Variants in LUC7L2 observed in about 807,000 individuals in gnomAD.
LUC7L2 encodes the protein putative RNA-binding protein Luc7-like 2.
LUC7L2 carries 25 observed loss-of-function variants against 52.8 expected under a neutral mutation model. That is an observed-to-expected ratio of 0.47 (90% CI 0.34 to 0.66). LUC7L2 has a LOEUF of 0.66. Ranked by LOEUF, LUC7L2 falls within the 30% of genes least tolerant of loss-of-function variation. The pLI, the probability that LUC7L2 is intolerant of heterozygous loss-of-function variation, is 0.01. For synonymous variants in LUC7L2, 144 were observed against 160.9 expected (o/e 0.89, Z 0.80); for missense variants, 328 against 497.8 (o/e 0.66, Z 3.25).
intron 7 of LUC7L2, among the ~76,000 whole-genome samples, chr7:139,412,071 G>A (rs1462128352): frequency 6.6e-6 from 1 of 152,044 alleles, no homozygotes; most frequent in Admixed American, 6.6e-5. Context: ...ATTTAGGGAT[G>A]CTGAACCAGT....
At chr7:139,391,288 T>A (rs1794438469) in intron 2 of LUC7L2, among the ~76,000 whole-genome samples, 2 of 152,222 alleles carry the variant, frequency 1.3e-5, no homozygotes, top group African/African-American at 4.8e-5. Context: ...TCCATAATAG[T>A]AGAAATTATA....
chr7:139,366,374 T>TA (rs1279484603), intron 1 of LUC7L2, among the ~76,000 whole-genome samples: 2 of 152,094 alleles, frequency 1.3e-5, no homozygotes, highest in Non-Finnish European at 2.9e-5. Flanking sequence ...TTTTCTCTTT[T>TA]AGAGTTAACT....
intron 1 of LUC7L2, among the ~76,000 whole-genome samples, chr7:139,368,570 T>C (rs1800282177): frequency 6.6e-6 from 1 of 152,028 alleles, no homozygotes; most frequent in African/African-American, 2.4e-5. Context: ...GAAACCTGTC[T>C]CTACTAAAAA....
chr7:139,422,711 T>C lies in LUC7L2; in HGVS notation c.*371T>C, dbSNP rs1795954954. On this transcript the variant is annotated 3_prime_UTR_variant, in exon 10 of 10. Transcript: ENST00000354926. ...GCTGCAGCTTTGGGCATTTTTCTTT[T>C]TAATTATTCTTCCTCTGACTTTGTA... The C allele has an allele frequency of 2.5e-6, 1 of 405,752 alleles. No homozygotes were observed. Among genetic ancestry groups the C allele is most frequent in the African/African-American group, 2.1e-5 (1 of 48,672 alleles). 25.1% of individuals were successfully genotyped at this position (405,752 alleles called of 1,614,324 possible).
upstream of LUC7L2, among the ~76,000 whole-genome samples, chr7:139,357,845 C>T (rs981062762): frequency 6.6e-5 from 10 of 151,804 alleles, no homozygotes; most frequent in African/African-American, 2.4e-4. Flanking sequence ...GCATGCGCCA[C>T]CACGCCCAGC....
At chr7:139,409,928 C>T (rs754147937) in intron 7 of LUC7L2, among the ~76,000 whole-genome samples, 1 of 152,160 alleles carries the variant, frequency 6.6e-6, no homozygotes, top group African/African-American at 2.4e-5. Flanking sequence ...CAAAATCCAG[C>T]CGGGCATGGT....
At chr7:139,417,363 T>A in intron 8 of LUC7L2, 175 bp from the exon 9 acceptor site, 1 of 818,634 alleles carries the variant, frequency 1.2e-6, no homozygotes, top group Non-Finnish European at 1.8e-6. Context: ...TGTTTTATTT[T>A]GAATTCTAGT....
intron 1 of LUC7L2, among the ~76,000 whole-genome samples, chr7:139,369,799 T>G (rs1010465026): frequency 7.2e-5 from 11 of 152,172 alleles, no homozygotes; most frequent in Non-Finnish European, 1.3e-4. Flanking sequence ...TGGCTTGTCA[T>G]GGGGATTATG....
chr7:139,376,549 C>T (rs557514820), intron 2 of LUC7L2, among the ~76,000 whole-genome samples: 2 of 152,254 alleles, frequency 1.3e-5, no homozygotes, highest in South Asian at 2.1e-4. Context: ...TTTGTGGAAT[C>T]AGTGGGGAAA....
In LUC7L2 at chr7:139,405,630, T is replaced by A. The variant is rs1795086138; in HGVS notation, c.367-14T>A. 6.3e-7 allele frequency: 1 copy of A among 1,575,038 alleles called. No homozygotes were observed. Among genetic ancestry groups the A allele is most frequent in the African/African-American group, 1.4e-5 (1 of 72,390 alleles). ...TCTTGTTTATTCATGATCTTCTTTT[T>A]TATTTCTTTTTAGGCAGAACGTGTT... On this transcript the variant is annotated splice_polypyrimidine_tract_variant and intron_variant, in intron 4 of 9. Coordinates refer to ENST00000354926, the MANE Select transcript of LUC7L2 (RefSeq NM_016019.5).
chr7:139,410,196 A>G (rs1232386670), intron 7 of LUC7L2, among the ~76,000 whole-genome samples: 1 of 151,034 alleles, frequency 6.6e-6, no homozygotes, highest in African/African-American at 2.4e-5. Context: ...CGACAGCGAG[A>G]CTCTGTCTCA....
chr7:139,405,916 T>G (rs1795093120), intron 5 of LUC7L2, 129 bp downstream of exon 5: 1 of 1,320,304 alleles, frequency 7.6e-7, no homozygotes, highest in Non-Finnish European at 9.9e-7. Context: ...ATTGAACAGT[T>G]GTTAAAGAGA....
Position 139,343,883 on chromosome 7 carries a change from G to A in LUC7L2, c.-26+3366G>A, listed in dbSNP as rs533675483. Among the ~76,000 whole-genome samples, 6 of 142,084 alleles carry A rather than the reference G, an allele frequency of 4.2e-5. 1 individual carries two copies. In the South Asian group the frequency reaches 1.1e-3, roughly 26 times the overall value. The allele number at this position is 142,084 out of a possible 152,430, so 93.2% of individuals were successfully genotyped here. ...TGGGGAGATCAGCAGCCATGTTCAC[G>A]CTATTGCACTCCAGCCTGGGCAACA... On this transcript the variant is annotated intron_variant, in intron 1 of 10. Coordinates refer to the LUC7L2 transcript ENST00000541170.
At chr7:139,383,409 T>G (rs999652187) in intron 2 of LUC7L2, among the ~76,000 whole-genome samples, 3 of 146,174 alleles carry the variant, frequency 2.1e-5, no homozygotes, top group African/African-American at 5.1e-5. Context: ...TTATTGGATT[T>G]ATTTATTTAT....
chr7:139,367,254 G>C (rs1238170915), intron 1 of LUC7L2, among the ~76,000 whole-genome samples: 2 of 152,110 alleles, frequency 1.3e-5, no homozygotes, highest in African/African-American at 2.4e-5. Context: ...TTACAGGCGT[G>C]AACCACCATG....
chr7:139,393,139 C>A (rs1404554162), intron 2 of LUC7L2, among the ~76,000 whole-genome samples: 1 of 151,978 alleles, frequency 6.6e-6, no homozygotes, highest in Non-Finnish European at 1.5e-5. Flanking sequence ...TGGTGGTGCA[C>A]ACTTGTAATC....
At chr7:139,413,985 G>A (rs566422947) in intron 8 of LUC7L2, among the ~76,000 whole-genome samples, 2 of 152,242 alleles carry the variant, frequency 1.3e-5, no homozygotes, top group South Asian at 4.1e-4. Flanking sequence ...ATTAATATAA[G>A]CTGGTCCCTT....
chr7:139,384,649 G>GT (rs1794112092), intron 2 of LUC7L2, among the ~76,000 whole-genome samples: 1 of 152,138 alleles, frequency 6.6e-6, no homozygotes, highest in Non-Finnish European at 1.5e-5. Context: ...GGCTTTAATC[G>GT]TTTAAAACAT....
intron 7 of LUC7L2, among the ~76,000 whole-genome samples, chr7:139,412,234 AAAAC>A (rs1390281540): frequency 2.0e-5 from 3 of 151,822 alleles, no homozygotes; most frequent in East Asian, 3.9e-4. Context: ...AAAAAAAACA[AAAAC>A]AAAAAACAGA....
Sources: gnomAD v4.1 joint callset for allele counts (sites outside exome capture counted in the v4.1 genomes callset) on GRCh38, gnomAD v4.1.1 for gene constraint, MANE v1.5 for transcripts, NCBI Gene and HGNC (gene_info 2026-07-23, HGNC 2026-07-21) for gene names.